Variants in COLEC11 observed in about 807,000 individuals in gnomAD.
COLEC11 encodes the protein collectin subfamily member 11.
A neutral mutation model predicts 27.3 loss-of-function variants in COLEC11; 20 were observed. The ratio of observed to expected loss-of-function variants is 0.73; its 90% CI spans 0.51 to 1.06. COLEC11 has a LOEUF of 1.06. Among genes scored for constraint, COLEC11 ranks in the 50% least tolerant of loss-of-function variants. COLEC11 has a pLI of 0.00. For missense variants in COLEC11, 310 were observed against 383.0 expected, an observed-to-expected ratio of 0.81 and a Z score of 1.59; for synonymous variants, 163 against 154.7, an observed-to-expected ratio of 1.05 and a Z score of -0.40.
chr2:3,606,123 C>G (rs866601521), intron 2 of COLEC11: 3 of 1,550,616 alleles, frequency 1.9e-6, no homozygotes, highest in East Asian at 2.4e-5. Context: ...GTGGAACCTT[C>G]AGCTTTAGGT....
intron 3 of COLEC11, among the ~76,000 whole-genome samples, chr2:3,613,824 T>C (rs1663430616): frequency 6.6e-6 from 1 of 152,178 alleles, no homozygotes; most frequent in South Asian, 2.1e-4. Context: ...CCGAGGCTCA[T>C]GGGAGCTAGA....
At chr2:3,628,647 G>A (rs1050145982) in intron 3 of COLEC11, among the ~76,000 whole-genome samples, 3 of 152,252 alleles carry the variant, frequency 2.0e-5, no homozygotes, top group African/African-American at 7.2e-5. Flanking sequence ...AGGTGGTGCG[G>A]TTGGATGGCC....
intron 5 of COLEC11, chr2:3,641,330 A>C (rs1284984904): frequency 4.6e-6 from 6 of 1,303,112 alleles, no homozygotes; most frequent in Non-Finnish European, 5.1e-6. Context: ...CGCTGAGATC[A>C]GTGTCACTGA....
At chr2:3,627,384 TGCTGGGCACAAC>T (rs1179029261) in intron 3 of COLEC11, among the ~76,000 whole-genome samples, 2 of 135,204 alleles carry the variant, frequency 1.5e-5, no homozygotes, top group South Asian at 2.3e-4. Flanking sequence ...GGCATGGTGA[TGCTGGGCACAAC>T]GCTGGGCACG....
At position 3,613,976 on chromosome 2, in the gene COLEC11, C is replaced by CTTTTTTTTTTTTT. The variant is rs1461288131; in HGVS notation, c.202+597_202+598insTTTTTTTTTTTTT. ...AAGTGTTTTTTCTTTTTCTTTCTTT[C>CTTTTTTTTTTTTT]TTTCTTTTTTTTTTTTTTGAGACTG... On this transcript the variant is annotated intron_variant, in intron 3 of 6. Coordinates refer to ENST00000349077, the MANE Select transcript of COLEC11 (RefSeq NM_024027.5). Among the ~76,000 whole-genome samples, 32 of 91,340 alleles carry CTTTTTTTTTTTTT rather than the reference C, an allele frequency of 3.5e-4. 1 individual carries two copies. The highest frequency in any genetic ancestry group is 1.1e-3 in the African/African-American group (31 of 28,950). The allele number at this position is 91,340 out of a possible 152,430, so 59.9% of individuals were successfully genotyped here. A position where few individuals can be genotyped will look rare whatever the true frequency, so the allele number is the denominator to read the frequency against.
intron 4 of COLEC11, among the ~76,000 whole-genome samples, chr2:3,639,120 T>C (rs1665662152): frequency 6.6e-6 from 1 of 152,250 alleles, no homozygotes; most frequent in Non-Finnish European, 1.5e-5. Context: ...TTCACCTGTG[T>C]GGTAGCGTGG....
intron 2 of COLEC11, among the ~76,000 whole-genome samples, chr2:3,612,191 C>A (rs1042764914): frequency 1.3e-5 from 2 of 152,060 alleles, no homozygotes; most frequent in Admixed American, 1.3e-4. Flanking sequence ...CGCACACATA[C>A]ACGTGCACAC....
At chr2:3,599,543 C>G (rs1662077280) in intron 1 of COLEC11, among the ~76,000 whole-genome samples, 1 of 152,210 alleles carries the variant, frequency 6.6e-6, no homozygotes, top group South Asian at 2.1e-4. Context: ...GTCACGGTGC[C>G]ACACGCATTA....
rs1167192456 is a variant in COLEC11 at position 3,644,489 on chromosome 2, T to A, written c.*371T>A. ...GCAATGGGGTCTTGAATTACTACCT[T>A]TTAATTTCTATATGGAAAAGAACTC... On this transcript the variant is annotated 3_prime_UTR_variant, in exon 7 of 7. Coordinates refer to ENST00000349077, the MANE Select transcript of COLEC11 (RefSeq NM_024027.5). 2.1e-6 allele frequency: 1 copy of A among 481,922 alleles called. No individual in the cohort carries two copies. The highest frequency in any genetic ancestry group is 4.1e-6 in the Non-Finnish European group (1 of 246,322). The allele number at this position is 481,922 out of a possible 1,614,324, so 29.9% of individuals were successfully genotyped here.
At chr2:3,616,860 C>T (rs1045595086) in intron 3 of COLEC11, among the ~76,000 whole-genome samples, 5 of 152,118 alleles carry the variant, frequency 3.3e-5, no homozygotes, top group African/African-American at 7.2e-5. Flanking sequence ...TTTCACTTAG[C>T]GTAATGCCCT....
chr2:3,641,487 A>G lies in COLEC11; in HGVS notation c.328+1156A>G, dbSNP rs1665866382. 4 of 1,190,016 alleles carry G rather than the reference A, an allele frequency of 3.4e-6. No individual in the cohort carries two copies. In the South Asian group the frequency reaches 4.3e-5, roughly 13 times the overall value. 73.7% of individuals were successfully genotyped at this position (1,190,016 alleles called of 1,614,324 possible). On this transcript the variant is annotated intron_variant, in intron 5 of 6. Transcript: ENST00000349077. ...CGTCCCATCCCGGGGCTGAGCTGCT[A>G]TCGTCAGGCCTAGCTTGGTCAGAGT...
At chr2:3,641,536 A>T in intron 5 of COLEC11, 1 of 740,118 alleles carries the variant, frequency 1.4e-6, no homozygotes, top group South Asian at 1.9e-5. Context: ...GAGGAAAGGA[A>T]TCCATCCACT....
chr2:3,612,970 C>T (rs1310315451), intron 2 of COLEC11, among the ~76,000 whole-genome samples: 2 of 152,120 alleles, frequency 1.3e-5, no homozygotes, highest in Non-Finnish European at 2.9e-5. Context: ...ACGCTGCCGC[C>T]CTTCTCATTG....
chr2:3,621,251 T>C (rs1442799621), intron 3 of COLEC11, among the ~76,000 whole-genome samples: 5 of 152,252 alleles, frequency 3.3e-5, no homozygotes, highest in Admixed American at 3.3e-4. Context: ...TCTTGATGAA[T>C]TGACCTTTTA....
rs1463567040 is a variant in COLEC11, at chr2:3,643,356, A to G, written c.329-88A>G. On this transcript the variant is annotated intron_variant, in intron 5 of 6. Coordinates refer to ENST00000349077, the MANE Select transcript of COLEC11 (RefSeq NM_024027.5). ...CCGTGGGGCACGTTTGTTGAGTAAAATGTGCATTTCCGGGGAGGGGTCCTC... is the reference window on the plus strand; with the variant it reads ...CCGTGGGGCACGTTTGTTGAGTAAAGTGTGCATTTCCGGGGAGGGGTCCTC... 3 of 1,101,372 alleles carry G rather than the reference A, an allele frequency of 2.7e-6. No homozygotes were observed. In the African/African-American group the frequency reaches 4.6e-5, roughly 17 times the overall value. 68.2% of individuals were successfully genotyped at this position (1,101,372 alleles called of 1,614,324 possible).
intron 3 of COLEC11, chr2:3,617,626 C>A (rs1471402380): frequency 1.9e-6 from 3 of 1,612,090 alleles, no homozygotes; most frequent in Non-Finnish European, 1.7e-6. Context: ...TCTCTGTCTT[C>A]TTCAGTTTCG....
chr2:3,615,834 GCGGC>G (rs1485325461), intron 3 of COLEC11, among the ~76,000 whole-genome samples: 8 of 20,904 alleles, frequency 3.8e-4, no homozygotes, highest in African/African-American at 8.4e-4. Flanking sequence ...CCCGGACGCG[GCGGC>G]TGGCCGGGCA....
intron 3 of COLEC11, among the ~76,000 whole-genome samples, chr2:3,620,576 TCTG>T (rs1261430953): frequency 8.5e-5 from 13 of 152,190 alleles, no homozygotes; most frequent in Admixed American, 6.5e-5. Context: ...TTTCCTTACT[TCTG>T]CTAACTTTGG....
At chr2:3,634,647 A>G (rs551865258) in intron 3 of COLEC11, among the ~76,000 whole-genome samples, 1 of 152,214 alleles carries the variant, frequency 6.6e-6, no homozygotes, top group Admixed American at 6.5e-5. Flanking sequence ...TGAAATTGTC[A>G]TGACTCAGAA....
Sources: gnomAD v4.1 joint callset for allele counts (sites outside exome capture counted in the v4.1 genomes callset) on GRCh38, gnomAD v4.1.1 for gene constraint, MANE v1.5 for transcripts, NCBI Gene and HGNC (gene_info 2026-07-23, HGNC 2026-07-21) for gene names.